PCBD2: variants seen among roughly 807,000 people sequenced by gnomAD.
The protein encoded by PCBD2 is pterin-4-alpha-carbinolamine dehydratase 2.
A neutral mutation model predicts 16.4 loss-of-function variants in PCBD2; 12 were observed. That is an observed-to-expected ratio of 0.73 (90% CI 0.47 to 1.19). The LOEUF is 1.19. Among genes scored for constraint, PCBD2 ranks in the 50% most tolerant of loss-of-function variants. PCBD2 has a pLI of 0.00. For synonymous variants in PCBD2, 58 were observed against 61.8 expected (o/e 0.94, Z 0.29); for missense variants, 138 against 156.8 (o/e 0.88, Z 0.64).
chr5:134,937,164 T>A (rs1474198421), intron 2 of PCBD2, among the ~76,000 whole-genome samples: 1 of 152,226 alleles, frequency 6.6e-6, no homozygotes, highest in African/African-American at 2.4e-5. Flanking sequence ...TGCATATTTG[T>A]TTTTTCAGAT....
intron 2 of PCBD2, among the ~76,000 whole-genome samples, chr5:134,911,460 A>C (rs920537757): frequency 3.9e-5 from 6 of 152,182 alleles, no homozygotes; most frequent in Non-Finnish European, 5.9e-5. Flanking sequence ...TTGTTTGTTC[A>C]GTTAGTTTGG....
At chr5:134,946,882 C>T (rs1022235993) in intron 2 of PCBD2, among the ~76,000 whole-genome samples, 5 of 152,142 alleles carry the variant, frequency 3.3e-5, no homozygotes, top group African/African-American at 9.7e-5. Context: ...CACATCCCAA[C>T]TTAAGCAGAA....
intron 2 of PCBD2, among the ~76,000 whole-genome samples, chr5:134,954,984 C>T (rs985851269): frequency 4.6e-5 from 7 of 151,860 alleles, no homozygotes; most frequent in South Asian, 2.1e-4. Context: ...TCAAGTGATG[C>T]GCCTGCCTCG....
At chr5:134,927,196 CTGTT>C (rs1751018385) in intron 2 of PCBD2, 1 of 398,438 alleles carries the variant, frequency 2.5e-6, no homozygotes, top group African/African-American at 2.1e-5. Flanking sequence ...GATTTTAGGT[CTGTT>C]TGTCGCAGGC....
chr5:134,911,187 A>C (rs1245318666), intron 2 of PCBD2, among the ~76,000 whole-genome samples: 1 of 152,150 alleles, frequency 6.6e-6, no homozygotes, highest in East Asian at 1.9e-4. Context: ...GGCCGTTGGT[A>C]ATTTTTCTTT....
At chr5:134,949,578 G>GA (rs1751337128) in intron 2 of PCBD2, among the ~76,000 whole-genome samples, 1 of 152,148 alleles carries the variant, frequency 6.6e-6, no homozygotes, top group Non-Finnish European at 1.5e-5. Flanking sequence ...ACAGTCCAGA[G>GA]AAAAAAAGCA....
In PCBD2 at chr5:134,905,214, A is replaced by C. The variant is rs978115949; in HGVS notation, c.75A>C (p.Leu25=). Residue 25 remains leucine (L), a synonymous_variant, in exon 1 of 4, where the codon CTA becomes CTC. Coordinates refer to ENST00000254908, the MANE Select transcript of PCBD2 (RefSeq NM_032151.5). ...LAALRGQSLG[L]AAMSSGTHRL... is the part of the protein sequence containing the mutation. ...CGCTGCGAGGCCAGAGCCTAGGGCT[A>C]GCGGCCATGGTGAGTGCACAGCGGC... 61 of 1,221,626 alleles carry C rather than the reference A, an allele frequency of 5.0e-5. No homozygotes were observed. In the African/African-American group the frequency reaches 9.2e-4, roughly 18 times the overall value. The allele number at this position is 1,221,626 out of a possible 1,614,324, so 75.7% of individuals were successfully genotyped here.
chr5:134,925,419 G>C (rs374438880), intron 2 of PCBD2: 3 of 398,384 alleles, frequency 7.5e-6, no homozygotes, highest in South Asian at 2.6e-4. Context: ...TGAGGTTGTG[G>C]ATGATGGATC....
intron 2 of PCBD2, among the ~76,000 whole-genome samples, chr5:134,936,659 T>C (rs1201785851): frequency 3.3e-5 from 5 of 152,194 alleles, no homozygotes; most frequent in Admixed American, 3.3e-4. Flanking sequence ...TTTCTAAAGG[T>C]ATCAGTTAAT....
intron 2 of PCBD2, among the ~76,000 whole-genome samples, chr5:134,951,925 C>T (rs148294851): frequency 1.5e-4 from 23 of 152,036 alleles, no homozygotes; most frequent in African/African-American, 5.5e-4. Context: ...ATTTTATTAC[C>T]ATACAGAAAA....
chr5:134,934,754 A>G (rs557806913), intron 2 of PCBD2, among the ~76,000 whole-genome samples: 5 of 152,230 alleles, frequency 3.3e-5, no homozygotes, highest in South Asian at 2.1e-4. Context: ...ATTGTCTGAT[A>G]GTGAGGTCAT....
rs188136093 is a variant in PCBD2, at chr5:134,962,574, A to G, written c.*1893A>G. 1.3e-5 allele frequency among the ~76,000 whole-genome samples: 2 copies of G among 152,242 alleles called. No individual in the cohort carries two copies. Among genetic ancestry groups the G allele is most frequent in the African/African-American group, 4.8e-5 (2 of 41,556 alleles). ...GGCCTATAACAATTCTTATGAAGCT[A>G]AAGTTGATTTGGATTTTAGCTGCCG... On this transcript the variant is annotated 3_prime_UTR_variant, in exon 4 of 4. Coordinates refer to ENST00000254908, the MANE Select transcript of PCBD2 (RefSeq NM_032151.5).
At chr5:134,927,697 C>T in intron 2 of PCBD2, 1 of 398,150 alleles carries the variant, frequency 2.5e-6, no homozygotes, top group Non-Finnish European at 4.4e-6. Context: ...ATGATTAGTT[C>T]TATGGCTGTG....
intron 2 of PCBD2, among the ~76,000 whole-genome samples, chr5:134,917,513 G>A (rs1253391117): frequency 6.6e-6 from 1 of 152,226 alleles, no homozygotes; most frequent in Non-Finnish European, 1.5e-5. Flanking sequence ...AATCAGCGGT[G>A]GTTCTCTGCG....
chr5:134,953,105 A>G (rs1340471702), intron 2 of PCBD2, among the ~76,000 whole-genome samples: 1 of 151,650 alleles, frequency 6.6e-6, no homozygotes, highest in African/African-American at 2.4e-5. Context: ...CCAGCGTGAA[A>G]GTTTTCTCTT....
At chr5:134,948,362 G>A (rs1751322486) in intron 2 of PCBD2, among the ~76,000 whole-genome samples, 1 of 152,198 alleles carries the variant, frequency 6.6e-6, no homozygotes, top group African/African-American at 2.4e-5. Flanking sequence ...TACATCAGCT[G>A]TGTGAACTCT....
intron 2 of PCBD2, among the ~76,000 whole-genome samples, chr5:134,954,247 C>A (rs1259441649): frequency 6.6e-6 from 1 of 152,230 alleles, no homozygotes; most frequent in Admixed American, 6.5e-5. Flanking sequence ...AGGCATGAAC[C>A]ATTGTGCCCA....
intron 1 of PCBD2, among the ~76,000 whole-genome samples, chr5:134,909,579 T>C (rs762763124): frequency 1.3e-5 from 2 of 152,350 alleles, no homozygotes; most frequent in East Asian, 3.9e-4. Context: ...GTTCAGCTTC[T>C]CTGGCTTATT....
chr5:134,946,721 T>C (rs368080671), intron 2 of PCBD2, among the ~76,000 whole-genome samples: 1 of 152,184 alleles, frequency 6.6e-6, no homozygotes, highest in Non-Finnish European at 1.5e-5. Context: ...TAAGCCAAAC[T>C]TAGGTGTTGC....
Sources: allele counts gnomAD v4.1 joint callset (sites outside exome capture counted in the v4.1 genomes callset), GRCh38; gene constraint gnomAD v4.1.1; transcripts MANE v1.5; gene names NCBI Gene and HGNC (gene_info 2026-07-23, HGNC 2026-07-21).